The following PLCB1 variants were observed in gnomAD, a reference collection of about 807,000 sequenced individuals.
The protein encoded by PLCB1 is phospholipase C beta 1.
In PLCB1, 46 loss-of-function variants were observed where a neutral mutation model predicts 161.8. The observed-to-expected ratio is 0.28, with a 90% CI of 0.22 to 0.36. The LOEUF is 0.36. PLCB1 is among the 10% of genes least tolerant of loss of function. The pLI is 1.00. For missense variants in PLCB1, 1,016 were observed against 1,472.5 expected (o/e 0.69, Z 5.07); for synonymous variants, 517 against 503.7 (o/e 1.03, Z -0.35).
chr20:8,332,198 G>A (rs1985390789), intron 2 of PLCB1, among the ~76,000 whole-genome samples: 2 of 152,170 alleles, frequency 1.3e-5, no homozygotes, highest in African/African-American at 2.4e-5. Context: ...TGCTGTCAGC[G>A]GGACTTGCAC....
At chr20:8,463,145 C>CAGTGTGTG (rs1981657085) in intron 3 of PLCB1, among the ~76,000 whole-genome samples, 1 of 86,366 alleles carries the variant, frequency 1.2e-5, no homozygotes, top group African/African-American at 4.0e-5. Flanking sequence ...TAGTACAGAG[C>CAGTGTGTG]AGTGTGTGTG....
chr20:8,453,046 G>A (rs1981143815), intron 3 of PLCB1, among the ~76,000 whole-genome samples: 1 of 152,310 alleles, frequency 6.6e-6, no homozygotes, highest in African/African-American at 2.4e-5. Context: ...GCCTGACTTT[G>A]CATCATGGTT....
chr20:8,816,018 G>T (rs1985070632), intron 31 of PLCB1, among the ~76,000 whole-genome samples: 1 of 152,106 alleles, frequency 6.6e-6, no homozygotes, highest in South Asian at 2.1e-4. Context: ...TTATAAAATG[G>T]TAGTGAAGAG....
intron 23 of PLCB1, among the ~76,000 whole-genome samples, chr20:8,741,853 A>T (rs1306141564): frequency 6.6e-6 from 1 of 152,252 alleles, no homozygotes; most frequent in African/African-American, 2.4e-5. Flanking sequence ...TTTCTACATG[A>T]TTCCATGCTA....
Position 8,774,519 on chromosome 20 carries a change from C to A in PLCB1, c.2931-20C>A. On this transcript the variant is annotated intron_variant, in intron 26 of 31. Transcript: ENST00000338037. The stretch of plus-strand genomic sequence containing the variant: ...GTTATGGCCTGTCTGTTTTGTGAGT[C>A]AAACTCTGTGTCTTTGCAGATCGGA... 6.4e-7 allele frequency: 1 copy of A among 1,574,232 alleles called. No individual in the cohort carries two copies. The highest frequency in any genetic ancestry group is 1.2e-5 in the South Asian group (1 of 85,734).
intron 25 of PLCB1, among the ~76,000 whole-genome samples, chr20:8,763,514 C>T (rs983789719): frequency 6.6e-5 from 10 of 152,128 alleles, no homozygotes; most frequent in African/African-American, 2.4e-4. Context: ...GCCTCTCGAG[C>T]AGCTGGGATT....
In PLCB1 at chr20:8,272,971, C is replaced by T. The variant is rs576688915; in HGVS notation, c.178-98411C>T. Among the ~76,000 whole-genome samples, 3 of 152,166 alleles carry T rather than the reference C, an allele frequency of 2.0e-5. No homozygotes were observed. In the East Asian group the frequency reaches 5.8e-4, roughly 29 times the overall value. On this transcript the variant is annotated intron_variant, in intron 2 of 31. Coordinates refer to ENST00000338037, the MANE Select transcript of PLCB1 (RefSeq NM_015192.4). ...ATGCAGCACATGTATGTATGACTTCCCCATTTTCAGTGGATGTACTCATTC... is the reference window on the plus strand; with the variant it reads ...ATGCAGCACATGTATGTATGACTTCTCCATTTTCAGTGGATGTACTCATTC...
At chr20:8,636,051 C>T (rs1032152083) in intron 4 of PLCB1, among the ~76,000 whole-genome samples, 3 of 152,022 alleles carry the variant, frequency 2.0e-5, no homozygotes, top group African/African-American at 7.2e-5. Flanking sequence ...TAAGCAGTAG[C>T]TGTAAGTTTG....
intron 3 of PLCB1, among the ~76,000 whole-genome samples, chr20:8,459,946 A>G (rs983658906): frequency 3.3e-5 from 5 of 152,214 alleles, no homozygotes; most frequent in Non-Finnish European, 7.3e-5. Context: ...TGAACACTGA[A>G]TATGTGCTCC....
chr20:8,198,445 G>A (rs537920405), intron 2 of PLCB1, among the ~76,000 whole-genome samples: 18 of 152,212 alleles, frequency 1.2e-4, no homozygotes, highest in Admixed American at 2.6e-4. Flanking sequence ...GCAGAAGTCT[G>A]TGACAACCAA....
At chr20:8,264,114 ATTC>A (rs1981837962) in intron 2 of PLCB1, among the ~76,000 whole-genome samples, 1 of 152,162 alleles carries the variant, frequency 6.6e-6, no homozygotes, top group Non-Finnish European at 1.5e-5. Context: ...TTACAGACTT[ATTC>A]TATAAGTTTC....
intron 2 of PLCB1, among the ~76,000 whole-genome samples, chr20:8,317,087 G>A (rs1285861970): frequency 6.6e-6 from 1 of 152,076 alleles, no homozygotes; most frequent in East Asian, 1.9e-4. Context: ...ATGAGTGAAT[G>A]AATACAGTCA....
Position 8,629,239 on chromosome 20 carries a change from A to C in PLCB1, c.384+808A>C, listed in dbSNP as rs139123334. Among the ~76,000 whole-genome samples the C allele has an allele frequency of 2.2e-3, 339 of 152,330 alleles. 1 individual carries two copies. Among genetic ancestry groups the C allele is most frequent in the African/African-American group, 7.4e-3 (306 of 41,586 alleles). ...ACTAACAGTTTAAAATAAAAATTTT[A>C]GATAATAATGAAAATAATATTAAGT... On this transcript the variant is annotated intron_variant, in intron 4 of 31. Transcript: ENST00000338037.
chr20:8,878,676 G>C (rs1369811869), intron 31 of PLCB1, among the ~76,000 whole-genome samples: 1 of 151,938 alleles, frequency 6.6e-6, no homozygotes, highest in African/African-American at 2.4e-5. Context: ...TCAATACTCA[G>C]CCTAAGCCAT....
intron 2 of PLCB1, among the ~76,000 whole-genome samples, chr20:8,293,483 T>G (rs967552352): frequency 6.6e-6 from 1 of 152,032 alleles, no homozygotes; most frequent in Non-Finnish European, 1.5e-5. Context: ...AATTAATAAC[T>G]TTTAGCACTT....
intron 2 of PLCB1, among the ~76,000 whole-genome samples, chr20:8,339,624 A>T (rs980623402): frequency 1.3e-5 from 2 of 152,272 alleles, no homozygotes; most frequent in South Asian, 4.1e-4. Context: ...CGCCCAGTTC[A>T]TGTGTATTCA....
intron 4 of PLCB1, among the ~76,000 whole-genome samples, chr20:8,640,127 C>T (rs1242139758): frequency 2.0e-5 from 3 of 152,170 alleles, no homozygotes; most frequent in Non-Finnish European, 2.9e-5. Flanking sequence ...TAATTTAAAA[C>T]AAATTTATTT....
intron 3 of PLCB1, among the ~76,000 whole-genome samples, chr20:8,615,819 A>G (rs1485990918): frequency 6.6e-6 from 1 of 152,170 alleles, no homozygotes; most frequent in Non-Finnish European, 1.5e-5. Flanking sequence ...GTTCTATACC[A>G]TACCCTGGTA....
At chr20:8,195,222 A>C (rs2052008863) in intron 2 of PLCB1, among the ~76,000 whole-genome samples, 1 of 151,992 alleles carries the variant, frequency 6.6e-6, no homozygotes, top group Non-Finnish European at 1.5e-5. Flanking sequence ...AGAGGGACAT[A>C]ATTTTTCAAA....
Sources: allele counts gnomAD v4.1 joint callset (sites outside exome capture counted in the v4.1 genomes callset), GRCh38; gene constraint gnomAD v4.1.1; transcripts MANE v1.5; gene names NCBI Gene and HGNC (gene_info 2026-07-23, HGNC 2026-07-21).